CALCR: variants seen among roughly 807,000 people sequenced by gnomAD.
CALCR encodes calcitonin receptor.
Under a neutral mutation model 59.5 loss-of-function variants are expected in CALCR, and 47 were observed. The ratio of observed to expected loss-of-function variants is 0.79; its 90% CI spans 0.63 to 1.01. CALCR has a LOEUF of 1.01. Ranked by LOEUF, CALCR falls within the 50% of genes least tolerant of loss-of-function variation. The probability of loss-of-function intolerance (pLI) is 0.00; values close to 1 mark genes in which losing one functional copy is unlikely to be tolerated. For missense variants in CALCR, 566 were observed against 597.1 expected, an observed-to-expected ratio of 0.95 and a Z score of 0.54; for synonymous variants, 213 against 211.3, an observed-to-expected ratio of 1.01 and a Z score of -0.07.
At chr7:93,548,325 C>T (rs1789348713) in intron 2 of CALCR, among the ~76,000 whole-genome samples, 1 of 152,140 alleles carries the variant, frequency 6.6e-6, no homozygotes. Context: ...ACTCTAATGA[C>T]CAGTTAACAA....
In CALCR at chr7:93,488,582, G is replaced by GCAAAAAAAAAAAAAAAAAAA. The variant is rs770479251; in HGVS notation, c.-26-1576_-26-1575insTTTTTTTTTTTTTTTTTTTG. Among the ~76,000 whole-genome samples, 25 of 78,024 alleles carry GCAAAAAAAAAAAAAAAAAAA rather than the reference G, an allele frequency of 3.2e-4. 4 individuals are homozygous for GCAAAAAAAAAAAAAAAAAAA. Among genetic ancestry groups the GCAAAAAAAAAAAAAAAAAAA allele is most frequent in the East Asian group, 8.8e-4 (2 of 2,266 alleles). The allele number at this position is 78,024 out of a possible 152,430, so 51.2% of individuals were successfully genotyped here. A position where few individuals can be genotyped will look rare whatever the true frequency, so the allele number is the denominator to read the frequency against. On this transcript the variant is annotated intron_variant, in intron 2 of 13. Coordinates refer to ENST00000426151, the MANE Select transcript of CALCR (RefSeq NM_001742.4). ...GGAAAATTTACCAAGCAAATGGAAA[G>GCAAAAAAAAAAAAAAAAAAA]AAAAAAAAAAAAAAAAAAAGCATGG...
chr7:93,571,164 A>G (rs1789995269), intron 2 of CALCR, among the ~76,000 whole-genome samples: 2 of 150,982 alleles, frequency 1.3e-5, no homozygotes, highest in African/African-American at 2.5e-5. Context: ...AACACTCATT[A>G]TATGAAGCTC....
intron 8 of CALCR, among the ~76,000 whole-genome samples, chr7:93,459,384 C>G (rs866672787): frequency 6.6e-6 from 1 of 152,150 alleles, no homozygotes; most frequent in Non-Finnish European, 1.5e-5. Context: ...TTTTTATCCT[C>G]AAGTTTCTGA....
At chr7:93,426,802 C>A (rs1356586579) in intron 13 of CALCR, among the ~76,000 whole-genome samples, 1 of 152,146 alleles carries the variant, frequency 6.6e-6, no homozygotes, top group African/African-American at 2.4e-5. Flanking sequence ...GCTTAAATTA[C>A]CCCTGGCAAG....
At chr7:93,533,918 C>T (rs934451776) in intron 2 of CALCR, among the ~76,000 whole-genome samples, 2 of 151,776 alleles carry the variant, frequency 1.3e-5, no homozygotes, top group South Asian at 2.1e-4. Flanking sequence ...TAATGTTTAG[C>T]AGTTGTATAG....
intron 5 of CALCR, among the ~76,000 whole-genome samples, chr7:93,474,227 G>C (rs1331280378): frequency 6.6e-6 from 1 of 151,552 alleles, no homozygotes; most frequent in Non-Finnish European, 1.5e-5. Flanking sequence ...AGTAAAAAGT[G>C]GTCAGAATGG....
intron 2 of CALCR, among the ~76,000 whole-genome samples, chr7:93,490,810 T>C (rs1252506536): frequency 6.6e-6 from 1 of 151,926 alleles, no homozygotes; most frequent in Non-Finnish European, 1.5e-5. Flanking sequence ...AGAATCGATA[T>C]CGTGAAAATG....
At position 93,492,076 on chromosome 7, in the gene CALCR, A is replaced by G. The variant is rs148423913; in HGVS notation, c.-26-5069T>C. On this transcript the variant is annotated intron_variant, in intron 2 of 13. Coordinates refer to ENST00000426151, the MANE Select transcript of CALCR (RefSeq NM_001742.4). ...CAATGGAATACTATGCAGCCATAAA[A>G]AGGAATGAGCTCATATCCCTGCAAA... Among the ~76,000 whole-genome samples the G allele has an allele frequency of 4.7e-3, 713 of 152,036 alleles. 6 individuals are homozygous for G. The highest frequency in any genetic ancestry group is 0.016 in the African/African-American group (683 of 41,512).
chr7:93,468,264 C>G (rs1169469955), intron 7 of CALCR, among the ~76,000 whole-genome samples: 3 of 151,664 alleles, frequency 2.0e-5, no homozygotes, highest in Non-Finnish European at 4.4e-5. Context: ...CTCTGATGTG[C>G]TTGTTTATTC....
intron 2 of CALCR, among the ~76,000 whole-genome samples, chr7:93,561,033 C>G (rs1385058237): frequency 6.6e-6 from 1 of 152,096 alleles, no homozygotes; most frequent in Non-Finnish European, 1.5e-5. Flanking sequence ...ACGAAATAAT[C>G]CTTTAAGATA....
chr7:93,536,897 C>T (rs55798321), intron 2 of CALCR, among the ~76,000 whole-genome samples: 2,646 of 151,604 alleles, frequency 0.017, 78 homozygotes, highest in African/African-American at 0.06. Context: ...GCTGTAGTTA[C>T]GTAAAAGAAT....
intron 9 of CALCR, among the ~76,000 whole-genome samples, chr7:93,443,129 G>T (rs1799944414): frequency 6.6e-6 from 1 of 152,094 alleles, no homozygotes; most frequent in Admixed American, 6.6e-5. Flanking sequence ...CTCTCAGCTG[G>T]ACTCCACTTC....
intron 2 of CALCR, among the ~76,000 whole-genome samples, chr7:93,513,298 T>A (rs1331726458): frequency 6.6e-6 from 1 of 152,202 alleles, no homozygotes; most frequent in Non-Finnish European, 1.5e-5. Flanking sequence ...ATCATTTATG[T>A]AATAAATGTT....
intron 4 of CALCR, among the ~76,000 whole-genome samples, chr7:93,478,839 G>A (rs1275402409): frequency 6.6e-6 from 1 of 151,706 alleles, no homozygotes; most frequent in Non-Finnish European, 1.5e-5. Flanking sequence ...AGCCATTCTA[G>A]AGAAGCTGGT....
chr7:93,570,653 A>C (rs1191667091), intron 2 of CALCR, among the ~76,000 whole-genome samples: 1 of 152,202 alleles, frequency 6.6e-6, no homozygotes, highest in Non-Finnish European at 1.5e-5. Context: ...TAACAAAGAC[A>C]GAATCTTATA....
chr7:93,553,236 G>A (rs533319448), intron 2 of CALCR, among the ~76,000 whole-genome samples: 2 of 150,522 alleles, frequency 1.3e-5, no homozygotes, highest in Non-Finnish European at 3.0e-5. Context: ...ATTGGTTTGT[G>A]TTGCTCCACC....
intron 2 of CALCR, among the ~76,000 whole-genome samples, chr7:93,491,686 C>A (rs1801080886): frequency 6.6e-6 from 1 of 151,948 alleles, no homozygotes; most frequent in African/African-American, 2.4e-5. Flanking sequence ...AAATGTAAAT[C>A]AAAACCACAG....
intron 3 of CALCR, among the ~76,000 whole-genome samples, chr7:93,480,455 G>T (rs1800770750): frequency 6.6e-6 from 1 of 151,630 alleles, no homozygotes; most frequent in African/African-American, 2.4e-5. Flanking sequence ...TAGGAATGCT[G>T]CTTAATTTCT....
At chr7:93,561,477 T>G (rs1232894310) in intron 2 of CALCR, among the ~76,000 whole-genome samples, 1 of 152,130 alleles carries the variant, frequency 6.6e-6, no homozygotes. Context: ...GATAAATAAA[T>G]ACAATTCCTT....
Sources: gnomAD v4.1 joint callset for allele counts (sites outside exome capture counted in the v4.1 genomes callset) on GRCh38, gnomAD v4.1.1 for gene constraint, MANE v1.5 for transcripts, NCBI Gene and HGNC (gene_info 2026-07-23, HGNC 2026-07-21) for gene names.